ATRN: variants seen among roughly 807,000 people sequenced by gnomAD.
ATRN encodes attractin-2.
A neutral mutation model predicts 178.7 loss-of-function variants in ATRN; 54 were observed. That is an observed-to-expected ratio of 0.30 (90% confidence interval 0.24 to 0.38). The LOEUF is 0.38. Among genes scored for constraint, ATRN ranks in the 10% least tolerant of loss-of-function variants. ATRN has a pLI of 1.00. For synonymous variants in ATRN, 636 were observed against 663.0 expected (o/e 0.96, Z 0.63); for missense variants, 1,443 against 1,815.1 (o/e 0.79, Z 3.73).
At chr20:3,629,101 G>C in intron 25 of ATRN, 1 of 985,166 alleles carries the variant, frequency 1.0e-6, no homozygotes, top group Non-Finnish European at 1.2e-6. Context: ...CCAGGCCCCA[G>C]AGCTGTGGCC....
intron 15 of ATRN, among the ~76,000 whole-genome samples, chr20:3,580,111 CTG>C (rs2086262814): frequency 6.6e-6 from 1 of 152,156 alleles, no homozygotes; most frequent in Non-Finnish European, 1.5e-5. Context: ...GTGACTGTCT[CTG>C]TTGTTTCTCT....
At position 3,578,563 on chromosome 20, in the gene ATRN, C is replaced by A; in HGVS notation, c.2354-19C>A. 6.3e-7 allele frequency: 1 copy of A among 1,583,834 alleles called. No individual in the cohort carries two copies. Among genetic ancestry groups the A allele is most frequent in the Non-Finnish European group, 8.6e-7 (1 of 1,163,302 alleles). ...TGATTTCTAAAATTCTTTTCTTTCT[C>A]TTTTCCCCTTAATGAAAGAAAATAT... On this transcript the variant is annotated intron_variant, in intron 14 of 28. Coordinates refer to ENST00000262919, the MANE Select transcript of ATRN (RefSeq NM_139321.3).
chr20:3,482,605 C>G (rs6107295), intron 1 of ATRN, among the ~76,000 whole-genome samples: 5,855 of 152,212 alleles, frequency 0.038, 332 homozygotes, highest in African/African-American at 0.13. Flanking sequence ...CTGGAGATAT[C>G]AAGGATTTTG....
At chr20:3,556,953 G>A (rs1348265236) in intron 6 of ATRN, among the ~76,000 whole-genome samples, 1 of 152,180 alleles carries the variant, frequency 6.6e-6, no homozygotes, top group Non-Finnish European at 1.5e-5. Context: ...TTAAGAGACA[G>A]ATTGGGCACT....
rs1315222608 is a variant in ATRN, at chr20:3,495,660, G to A, written c.410+24143G>A. On this transcript the variant is annotated intron_variant, in intron 1 of 28. Coordinates refer to ENST00000262919, the MANE Select transcript of ATRN (RefSeq NM_139321.3). ...CAGTCTGGGCTTGTATCATTAGAGG[G>A]CTGGTTAAATAAAATATGACTTGTT... Among the ~76,000 whole-genome samples, 3 of 151,880 alleles carry A rather than the reference G, an allele frequency of 2.0e-5. No homozygotes were observed. The East Asian group carries it at 5.8e-4, about 29-fold the overall frequency.
At position 3,563,211 on chromosome 20, in the gene ATRN, C is replaced by T. The variant is rs747539980; in HGVS notation, c.1634C>T (p.Thr545Ile). ...YRYDVDTQMWTILKDSRFFRY... is the reference protein window; with the variant it reads ...YRYDVDTQMWIILKDSRFFRY... ...TTATTTCTAAATAAACTCAAAAGGA[C>T]CATTCTTAAGGACAGCCGATTTTTC... The change falls in exon 10 of 29, where the codon ACC (threonine) becomes ATC (isoleucine). Residue 545 changes from threonine (T) to isoleucine (I), a missense_variant and splice_region_variant. Transcript: ENST00000262919. The T allele has an allele frequency of 1.4e-5, 22 of 1,608,508 alleles. No individual in the cohort carries two copies. The highest frequency in any genetic ancestry group is 8.5e-7 in the Non-Finnish European group (1 of 1,176,900).
intron 1 of ATRN, among the ~76,000 whole-genome samples, chr20:3,494,377 G>A (rs2146095192): frequency 6.6e-6 from 1 of 152,270 alleles, no homozygotes; most frequent in Admixed American, 6.5e-5. Flanking sequence ...TTCCAGGCAA[G>A]TTTTGACATG....
rs2084782658 is a variant in ATRN at position 3,490,837 on chromosome 20, A to G, written c.410+19320A>G. ...TTTCATAATCCATCTTTATCATCAT[A>G]CAGATCCCTCAGGTTCCCACTGACC... On this transcript the variant is annotated intron_variant, in intron 1 of 28. Transcript: ENST00000262919. 4 of 814,588 alleles carry G rather than the reference A, an allele frequency of 4.9e-6. No individual in the cohort carries two copies. The Admixed American group carries it at 5.1e-5, about 10-fold the overall frequency. The allele number at this position is 814,588 out of a possible 1,614,324, so 50.5% of individuals were successfully genotyped here.
chr20:3,555,898 C>A (rs2085870001), intron 6 of ATRN, among the ~76,000 whole-genome samples: 1 of 152,030 alleles, frequency 6.6e-6, no homozygotes, highest in African/African-American at 2.4e-5. Flanking sequence ...TAACAAGAAC[C>A]CATCATGGAG....
chr20:3,478,988 C>T (rs1226420373), intron 1 of ATRN, among the ~76,000 whole-genome samples: 2 of 149,668 alleles, frequency 1.3e-5, no homozygotes, highest in Non-Finnish European at 3.0e-5. Flanking sequence ...GGCAGTGCTC[C>T]TGGGCTCAAG....
At position 3,471,271 on chromosome 20, in the gene ATRN, C is replaced by T. The variant is rs966415876; in HGVS notation, c.164C>T (p.Pro55Leu). Residue 55 changes from proline to leucine, a missense_variant, in exon 1 of 29, where the codon CCA becomes CTA. Physicochemically the swap from Pro to Leu is moderately conservative, Grantham distance 98. Around this residue, in one of 4 missense-constraint regions of ATRN, gnomAD observed 862 missense variants for 972.1 expected, o/e 0.89. Coordinates refer to ENST00000262919, the MANE Select transcript of ATRN (RefSeq NM_139321.3). ...AGLRLPRLLS[P>L]PLRPRLLLLL... ...CTGCGCCTCCCGCGGCTGCTGTCTC[C>T]ACCGCTGCGGCCACGGCTGCTGCTG... 4.8e-6 allele frequency: 7 copies of T among 1,459,994 alleles called. No homozygotes were observed. Among genetic ancestry groups the T allele is most frequent in the East Asian group, 2.9e-5 (1 of 34,116 alleles). 90.4% of individuals were successfully genotyped at this position (1,459,994 alleles called of 1,614,324 possible).
At chr20:3,492,821 A>AGC (rs930964371) in intron 1 of ATRN, among the ~76,000 whole-genome samples, 1 of 149,830 alleles carries the variant, frequency 6.7e-6, no homozygotes, top group Non-Finnish European at 1.5e-5. Context: ...CCAGAGAGAG[A>AGC]GAGAAATAGA....
In ATRN at chr20:3,513,584, C is replaced by T. The variant is rs568679555; in HGVS notation, c.411-21669C>T. ...TTCTTTTGGCTTAGGATTGACTTGG[C>T]GATGTGGGCTCTTTTTTGGTTCCAT... is the stretch of plus-strand genomic sequence containing the variant. On this transcript the variant is annotated intron_variant, in intron 1 of 28. Coordinates refer to ENST00000262919, the MANE Select transcript of ATRN (RefSeq NM_139321.3). Among the ~76,000 whole-genome samples, 277 of 152,190 alleles carry T rather than the reference C, an allele frequency of 1.8e-3. 2 individuals carry two copies. Among genetic ancestry groups the T allele is most frequent in the Admixed American group, 3.1e-3 (47 of 15,278 alleles).
intron 25 of ATRN, 48 bp from the exon 26 acceptor site, chr20:3,634,263 C>G (rs1366940038): frequency 7.0e-6 from 11 of 1,575,846 alleles, no homozygotes; most frequent in Non-Finnish European, 8.7e-6. Context: ...ACGGTGGGAG[C>G]TGATTCTGGG....
chr20:3,537,016 T>A (rs2085542791), intron 2 of ATRN, among the ~76,000 whole-genome samples: 1 of 152,156 alleles, frequency 6.6e-6, no homozygotes, highest in Non-Finnish European at 1.5e-5. Flanking sequence ...CTTTTGCCCA[T>A]CCATATTTTG....
chr20:3,528,152 C>T (rs758985497), intron 1 of ATRN, among the ~76,000 whole-genome samples: 2 of 151,846 alleles, frequency 1.3e-5, no homozygotes, highest in South Asian at 2.1e-4. Context: ...GGGTAGATCA[C>T]GAGATCAGGA....
chr20:3,489,979 G>T, intron 1 of ATRN: 1 of 993,518 alleles, frequency 1.0e-6, no homozygotes, highest in South Asian at 1.3e-5. Context: ...GTCCTTGCTT[G>T]CTTGCACTGT....
intron 23 of ATRN, among the ~76,000 whole-genome samples, chr20:3,601,345 C>A (rs2146286652): frequency 6.6e-6 from 1 of 152,298 alleles, no homozygotes; most frequent in South Asian, 2.1e-4. Context: ...CATTTCTGTT[C>A]TTGCTGTGGC....
At chr20:3,640,340 A>C (rs1055728612) in intron 27 of ATRN, among the ~76,000 whole-genome samples, 1 of 152,242 alleles carries the variant, frequency 6.6e-6, no homozygotes, top group African/African-American at 2.4e-5. Flanking sequence ...AGGAGATAGA[A>C]AGTACAATAG....
Sources: gnomAD v4.1 joint callset for allele counts (sites outside exome capture counted in the v4.1 genomes callset) on GRCh38, gnomAD v4.1.1 for gene constraint, gnomAD v4.1.1 regional missense constraint, MANE v1.5 for transcripts, NCBI Gene and HGNC (gene_info 2026-07-23, HGNC 2026-07-21) for gene names.